Variants in EPB41L2 observed in about 807,000 individuals in gnomAD.
The protein encoded by EPB41L2 is band 4.1-like protein 2.
Under a neutral mutation model 113.0 loss-of-function variants are expected in EPB41L2, and 43 were observed. The ratio of observed to expected loss-of-function variants is 0.38; its 90% CI spans 0.30 to 0.49. The LOEUF (loss-of-function observed/expected upper bound fraction) is 0.49, where lower values mean the gene tolerates loss of function less well. Among genes scored for constraint, EPB41L2 ranks in the 20% least tolerant of loss-of-function variants. The probability of loss-of-function intolerance (pLI) is 0.95; values close to 1 mark genes in which losing one functional copy is unlikely to be tolerated. For missense variants in EPB41L2, 1,147 were observed against 1,223.4 expected, an observed-to-expected ratio of 0.94 and a Z score of 0.93; for synonymous variants, 442 against 436.7, an observed-to-expected ratio of 1.01 and a Z score of -0.15.
chr6:130,862,082 C>G (rs1782302804), intron 18 of EPB41L2, among the ~76,000 whole-genome samples: 1 of 152,104 alleles, frequency 6.6e-6, no homozygotes, highest in Admixed American at 6.6e-5. Flanking sequence ...GTTATTTTGG[C>G]ACTTGTATTT....
chr6:130,890,466 C>T lies in EPB41L2; in HGVS notation c.1488G>A (p.Arg496=). The T allele has an allele frequency of 2.0e-6, 3 of 1,524,230 alleles. No homozygotes were observed. The highest frequency in any genetic ancestry group is 2.6e-6 in the Non-Finnish European group (3 of 1,145,674). 94.4% of individuals were successfully genotyped at this position (1,524,230 alleles called of 1,614,324 possible). The change falls in exon 11 of 20, where the codon AGG becomes AGA. Residue 496 remains arginine (R), a splice_region_variant and synonymous_variant. Coordinates refer to ENST00000337057, the MANE Select transcript of EPB41L2 (RefSeq NM_001431.4). ...KVCVEHHTFY[R]LVSPEQPPKA... is the part of the protein sequence containing the mutation. The stretch of plus-strand genomic sequence containing the variant: ...TTGGTGGCTGCTCTGGAGAAACAAG[C>T]CTATGGGAGGAAAAAAAAAAAAAAA...
chr6:130,876,685 C>A (rs1416106239), intron 14 of EPB41L2: 16 of 1,303,780 alleles, frequency 1.2e-5, no homozygotes, highest in Non-Finnish European at 1.3e-5. Flanking sequence ...TTGTCCGTCT[C>A]CTGAGCTTTT....
intron 4 of EPB41L2, among the ~76,000 whole-genome samples, chr6:130,909,926 T>C (rs925284473): frequency 6.6e-6 from 1 of 152,146 alleles, no homozygotes; most frequent in Non-Finnish European, 1.5e-5. Context: ...ATAGGAAGAA[T>C]CAATATCGTG....
intron 1 of EPB41L2, among the ~76,000 whole-genome samples, chr6:131,051,776 T>C (rs960789107): frequency 1.2e-4 from 18 of 152,192 alleles, no homozygotes; most frequent in African/African-American, 4.1e-4. Flanking sequence ...AACAGAATTC[T>C]ATATACAACC....
At chr6:131,043,993 A>G (rs535563376) in intron 1 of EPB41L2, among the ~76,000 whole-genome samples, 2 of 147,834 alleles carry the variant, frequency 1.4e-5, no homozygotes, top group South Asian at 4.4e-4. Flanking sequence ...TTAGTTTTGT[A>G]TATATTTAAA....
At chr6:131,059,007 CTG>C (rs1431645389) in intron 1 of EPB41L2, among the ~76,000 whole-genome samples, 1 of 152,086 alleles carries the variant, frequency 6.6e-6, no homozygotes, top group African/African-American at 2.4e-5. Context: ...CAGAGTGAAA[CTG>C]TGTCTCAAAA....
At chr6:130,928,602 T>C (rs1051735759) in intron 3 of EPB41L2, among the ~76,000 whole-genome samples, 3 of 152,256 alleles carry the variant, frequency 2.0e-5, no homozygotes, top group Non-Finnish European at 2.9e-5. Flanking sequence ...CATGTTCTCA[T>C]TGGTTTCCAT....
intron 14 of EPB41L2, among the ~76,000 whole-genome samples, chr6:130,876,006 GA>G (rs200492445): frequency 6.7e-6 from 1 of 148,904 alleles, no homozygotes; most frequent in East Asian, 2.0e-4. Flanking sequence ...AAAGAAGAAA[GA>G]AAAAAAAGAA....
intron 8 of EPB41L2, among the ~76,000 whole-genome samples, chr6:130,897,738 G>A (rs1372019150): frequency 6.6e-6 from 1 of 152,138 alleles, no homozygotes; most frequent in Admixed American, 6.5e-5. Context: ...GAAAAACACT[G>A]GAGTGTTAAG....
intron 3 of EPB41L2, among the ~76,000 whole-genome samples, chr6:130,941,599 A>G (rs1284761638): frequency 6.6e-6 from 1 of 152,242 alleles, no homozygotes; most frequent in Non-Finnish European, 1.5e-5. Context: ...TTATCAGAGC[A>G]GTCCTATTTG....
intron 14 of EPB41L2, among the ~76,000 whole-genome samples, chr6:130,876,428 C>T (rs1156882823): frequency 6.6e-6 from 1 of 152,212 alleles, no homozygotes; most frequent in East Asian, 1.9e-4. Context: ...AATCAGTTAT[C>T]ACCTAAATTG....
At chr6:131,052,534 C>T (rs1796768213) in intron 1 of EPB41L2, among the ~76,000 whole-genome samples, 1 of 152,050 alleles carries the variant, frequency 6.6e-6, no homozygotes, top group South Asian at 2.1e-4. Context: ...TAAAGCTGAA[C>T]CAAGGATGGG....
chr6:130,907,900 TGGA>T (rs1798195013), intron 5 of EPB41L2, among the ~76,000 whole-genome samples: 1 of 152,150 alleles, frequency 6.6e-6, no homozygotes, highest in South Asian at 2.1e-4. Context: ...TGCTGGCACC[TGGA>T]GAAGAGGTTT....
At position 130,878,279 on chromosome 6, in the gene EPB41L2, G is replaced by T. The variant is rs1562370743; in HGVS notation, c.1897-29C>A. ...GCAATATGTAACGTAACAAAGGGGGGAAAAATCCAAAAGGAAAAAACCCAG... is the reference window on the plus strand; with the variant it reads ...GCAATATGTAACGTAACAAAGGGGGTAAAAATCCAAAAGGAAAAAACCCAG... On this transcript the variant is annotated intron_variant, in intron 13 of 19. Coordinates refer to ENST00000337057, the MANE Select transcript of EPB41L2 (RefSeq NM_001431.4). 1.3e-5 allele frequency: 20 copies of T among 1,542,414 alleles called. No individual in the cohort carries two copies. In the South Asian group the frequency reaches 2.0e-4, roughly 15 times the overall value.
intron 3 of EPB41L2, among the ~76,000 whole-genome samples, chr6:130,933,299 CAA>C (rs1454134341): frequency 2.0e-5 from 3 of 152,128 alleles, no homozygotes; most frequent in Non-Finnish European, 4.4e-5. Context: ...AATATGATAT[CAA>C]GTTTATTAAA....
At chr6:130,847,799 C>T (rs1472905444) in intron 19 of EPB41L2, among the ~76,000 whole-genome samples, 3 of 152,200 alleles carry the variant, frequency 2.0e-5, no homozygotes, top group Non-Finnish European at 4.4e-5. Context: ...CTGGTTCACT[C>T]TGCTAGGTCA....
At chr6:130,914,636 C>T (rs1337572638) in intron 4 of EPB41L2, among the ~76,000 whole-genome samples, 2 of 152,088 alleles carry the variant, frequency 1.3e-5, no homozygotes, top group South Asian at 2.1e-4. Context: ...CAGCTTCAGG[C>T]AATTCAAGAT....
intron 1 of EPB41L2, among the ~76,000 whole-genome samples, chr6:131,037,260 G>A (rs1219965080): frequency 1.3e-5 from 2 of 152,168 alleles, no homozygotes; most frequent in South Asian, 2.1e-4. Flanking sequence ...AATTAGGGCT[G>A]CTGCCCTGGA....
chr6:131,000,339 T>G (rs1784091892), intron 1 of EPB41L2, among the ~76,000 whole-genome samples: 1 of 152,136 alleles, frequency 6.6e-6, no homozygotes, highest in South Asian at 2.1e-4. Context: ...AACTGAGGCA[T>G]AAAACAAGAA....
Sources: allele counts gnomAD v4.1 joint callset (sites outside exome capture counted in the v4.1 genomes callset), GRCh38; gene constraint gnomAD v4.1.1; transcripts MANE v1.5; gene names NCBI Gene and HGNC (gene_info 2026-07-23, HGNC 2026-07-21).